The following RANBP2 variants were observed in gnomAD, a reference collection of about 807,000 sequenced individuals.
RANBP2 encodes the protein E3 SUMO-protein ligase RanBP2.
In RANBP2, 57 loss-of-function variants were observed where a neutral mutation model predicts 303.6. The ratio of observed to expected loss-of-function variants is 0.19; its 90% confidence interval spans 0.15 to 0.23. The LOEUF (loss-of-function observed/expected upper bound fraction) is 0.23, where lower values mean the gene tolerates loss of function less well. Ranked by LOEUF, RANBP2 falls within the 10% of genes least tolerant of loss-of-function variation. RANBP2 has a pLI of 1.00. For missense variants in RANBP2, 3,138 were observed against 3,780.8 expected (o/e 0.83, Z 4.46); for synonymous variants, 1,167 against 1,301.5 (o/e 0.90, Z 2.23).
the RANBP2 span, among the ~76,000 whole-genome samples, chr2:109,457,045 T>C: frequency 1.3e-5 from 2 of 152,206 alleles, no homozygotes; most frequent in Non-Finnish European, 2.9e-5. Flanking sequence ...ATCTCCTGTT[T>C]ACCAATTATG....
the RANBP2 span, among the ~76,000 whole-genome samples, chr2:108,995,831 A>G: frequency 6.6e-6 from 1 of 152,142 alleles, no homozygotes; most frequent in African/African-American, 2.4e-5. Flanking sequence ...TAGACATCAG[A>G]GTAGGACGGA....
the RANBP2 span, among the ~76,000 whole-genome samples, chr2:108,880,204 CAACAACAAACAAAAACAAACAAA>C: frequency 1.3e-5 from 1 of 75,506 alleles, no homozygotes; most frequent in Admixed American, 1.8e-4. Flanking sequence ...AAAAAAAAAA[CAACAACAAACAAAAACAAACAAA>C]AAAAAAAACG....
the RANBP2 span, among the ~76,000 whole-genome samples, chr2:109,142,471 A>G: frequency 1.3e-5 from 2 of 152,130 alleles, no homozygotes; most frequent in Non-Finnish European, 2.9e-5. Flanking sequence ...CAGCACCCAC[A>G]CAGGCACCCA....
At chr2:108,910,642 G>A in the RANBP2 span, 4 of 1,398,468 alleles carry the variant, frequency 2.9e-6, no homozygotes, top group African/African-American at 1.4e-5. Flanking sequence ...GTGTCTGTGT[G>A]GCACCACCCC....
chr2:109,146,024 T>TGGGCCGACGGAGTCCATGC, the RANBP2 span, among the ~76,000 whole-genome samples: 5,023 of 151,890 alleles, frequency 0.033, 255 homozygotes, highest in African/African-American at 0.11. Context: ...CTTGTCTATG[T>TGGGCCGACGGAGTCCATGC]GGGCCGACGG....
chr2:109,021,569 G>A, the RANBP2 span, among the ~76,000 whole-genome samples: 1 of 148,874 alleles, frequency 6.7e-6, no homozygotes, highest in African/African-American at 2.5e-5. Context: ...CTTTCCCTCA[G>A]AATGAGTTCT....
chr2:109,593,756 T>G, the RANBP2 span, among the ~76,000 whole-genome samples: 1 of 152,154 alleles, frequency 6.6e-6, no homozygotes, highest in South Asian at 2.1e-4. Flanking sequence ...AAATCAGGTA[T>G]GTTCCACTGC....
the RANBP2 span, among the ~76,000 whole-genome samples, chr2:109,061,606 A>G: frequency 2.0e-5 from 3 of 152,184 alleles, no homozygotes; most frequent in Non-Finnish European, 4.4e-5. Context: ...TTCAAACACT[A>G]GTTGATATTG....
At chr2:109,495,738 C>T in the RANBP2 span, among the ~76,000 whole-genome samples, 3 of 152,108 alleles carry the variant, frequency 2.0e-5, no homozygotes, top group Admixed American at 1.3e-4. Flanking sequence ...GTGATCCGCC[C>T]ACCTCGGATT....
the RANBP2 span, chr2:108,813,064 A>G: frequency 4.9e-6 from 3 of 608,370 alleles, no homozygotes; most frequent in East Asian, 3.3e-5. Context: ...CCTGGCCAAC[A>G]TGGTGAAACC....
the RANBP2 span, among the ~76,000 whole-genome samples, chr2:109,448,515 A>G: frequency 6.6e-6 from 1 of 152,144 alleles, no homozygotes; most frequent in Non-Finnish European, 1.5e-5. Flanking sequence ...TTAGGTTCTC[A>G]TAGGAGAGCA....
At chr2:108,812,922 T>G in the RANBP2 span, 1 of 1,613,466 alleles carries the variant, frequency 6.2e-7, no homozygotes, top group Non-Finnish European at 8.5e-7. Context: ...TTCAAAAACT[T>G]ACAAGGTAAG....
the RANBP2 span, chr2:109,794,589 G>A: frequency 1.3e-6 from 1 of 788,034 alleles, no homozygotes; most frequent in Admixed American, 1.4e-4. Flanking sequence ...CCGGGGGGCG[G>A]CGGCGGCGGC....
At chr2:108,954,596 T>C in the RANBP2 span, among the ~76,000 whole-genome samples, 1 of 152,204 alleles carries the variant, frequency 6.6e-6, no homozygotes, top group Non-Finnish European at 1.5e-5. Flanking sequence ...GTATGGTCCC[T>C]GAATTCTGTG....
the RANBP2 span, among the ~76,000 whole-genome samples, chr2:109,081,555 C>T: frequency 6.6e-6 from 1 of 152,166 alleles, no homozygotes. Context: ...GTTTATGAGA[C>T]AGATCACAAG....
At chr2:109,624,341 A>G in the RANBP2 span, among the ~76,000 whole-genome samples, 1 of 152,200 alleles carries the variant, frequency 6.6e-6, no homozygotes. Flanking sequence ...ATATTTTAAG[A>G]AATTCACCTG....
chr2:109,631,085 C>G, the RANBP2 span, among the ~76,000 whole-genome samples: 2 of 152,088 alleles, frequency 1.3e-5, no homozygotes, highest in Non-Finnish European at 2.9e-5. Context: ...AAACAAACAA[C>G]AGAAAGTATC....
the RANBP2 span, among the ~76,000 whole-genome samples, chr2:109,022,664 G>C: frequency 6.6e-6 from 1 of 152,202 alleles, no homozygotes; most frequent in Admixed American, 6.5e-5. Context: ...CATGCTATTC[G>C]GGTGATGGTC....
the RANBP2 span, among the ~76,000 whole-genome samples, chr2:109,611,885 G>A: frequency 9.2e-5 from 14 of 152,178 alleles, no homozygotes; most frequent in Non-Finnish European, 2.1e-4. Context: ...TCCTGGTAGG[G>A]ATGCAAAATA....
Sources: allele counts gnomAD v4.1 joint callset (sites outside exome capture counted in the v4.1 genomes callset), GRCh38; gene constraint gnomAD v4.1.1; transcripts MANE v1.5; gene names NCBI Gene and HGNC (gene_info 2026-07-23, HGNC 2026-07-21).